PARP15: variants seen among roughly 807,000 people sequenced by gnomAD.
PARP15 encodes the protein poly(ADP-ribose) polymerase family member 15.
A neutral mutation model predicts 62.1 loss-of-function variants in PARP15; 50 were observed. The observed-to-expected ratio is 0.81, with a 90% CI of 0.64 to 1.02. The LOEUF (loss-of-function observed/expected upper bound fraction) is 1.02. Among genes scored for constraint, PARP15 ranks in the 50% least tolerant of loss-of-function variants. The pLI is 0.00. For missense variants in PARP15, 820 were observed against 826.5 expected (o/e 0.99, Z 0.10); for synonymous variants, 309 against 293.1 (o/e 1.05, Z -0.55).
At position 122,636,043 on chromosome 3, in the gene PARP15, T is replaced by G. The variant is rs1257733142; in HGVS notation, c.1980T>G (p.Phe660Leu). The change falls in exon 12 of 12, where the codon TTT (phenylalanine) becomes TTG (leucine). Residue 660 changes from phenylalanine to leucine, a missense_variant. Phe to Leu is a conservative substitution (Grantham distance 22). Coordinates refer to ENST00000464300, the MANE Select transcript of PARP15 (RefSeq NM_001113523.3). ...ACAATACACGATCTCCAAAGCTATTTGTGGTATTCTTTGATAATCAGGCTT... is the reference window on the plus strand; with the variant it reads ...ACAATACACGATCTCCAAAGCTATTGGTGGTATTCTTTGATAATCAGGCTT... ...VTNNTRSPKLFVVFFDNQAYP... is the reference protein window; with the variant it reads ...VTNNTRSPKLLVVFFDNQAYP... 2.5e-6 allele frequency: 4 copies of G among 1,613,984 alleles called. No homozygotes were observed. The African/African-American group carries it at 5.3e-5, about 22-fold the overall frequency.
intron 3 of PARP15, among the ~76,000 whole-genome samples, chr3:122,611,825 C>T (rs907505388): frequency 1.3e-5 from 2 of 152,134 alleles, no homozygotes; most frequent in African/African-American, 4.8e-5. Flanking sequence ...AGCAATTCTC[C>T]TGCCTCAGCC....
chr3:122,597,491 A>G (rs1475934435), intron 1 of PARP15, among the ~76,000 whole-genome samples: 3 of 152,118 alleles, frequency 2.0e-5, no homozygotes, highest in East Asian at 3.8e-4. Flanking sequence ...CGAACTCCCA[A>G]CCGCAGGTGA....
chr3:122,594,397 T>G, intron 1 of PARP15: 18 of 314,508 alleles, frequency 5.7e-5, no homozygotes, highest in South Asian at 2.5e-4. Flanking sequence ...TAAATCAGAT[T>G]GAGAAAACAA....
intron 1 of PARP15, among the ~76,000 whole-genome samples, chr3:122,593,199 C>T (rs368739452): frequency 2.0e-5 from 3 of 151,978 alleles, no homozygotes; most frequent in South Asian, 2.1e-4. Flanking sequence ...AGTGCAGTGG[C>T]GCAATCTCAG....
intron 8 of PARP15, 49 bp from the exon 9 acceptor site, chr3:122,626,778 T>C (rs1936753774): frequency 6.5e-7 from 1 of 1,544,790 alleles, no homozygotes; most frequent in African/African-American, 1.4e-5. Context: ...TATTTCATCA[T>C]ATTAGCAACA....
intron 6 of PARP15, 66 bp from the exon 7 acceptor site, chr3:122,619,715 T>C: frequency 2.2e-6 from 3 of 1,362,268 alleles, no homozygotes; most frequent in East Asian, 4.6e-5. Context: ...AAGTCTAATG[T>C]ACAAAAACTA....
chr3:122,619,346 G>C (rs1190723826), intron 6 of PARP15, among the ~76,000 whole-genome samples: 1 of 152,198 alleles, frequency 6.6e-6, no homozygotes, highest in Non-Finnish European at 1.5e-5. Flanking sequence ...AGATTCACTG[G>C]AGTGAAACCA....
At chr3:122,614,865 CA>C (rs1310369785) in intron 4 of PARP15, among the ~76,000 whole-genome samples, 1 of 151,692 alleles carries the variant, frequency 6.6e-6, no homozygotes, top group Admixed American at 6.6e-5. Context: ...CTCATCTCTA[CA>C]AAAAATACAA....
At chr3:122,630,190 A>C (rs943751522) in intron 9 of PARP15, among the ~76,000 whole-genome samples, 4 of 152,150 alleles carry the variant, frequency 2.6e-5, no homozygotes, top group African/African-American at 9.7e-5. Flanking sequence ...AGTGCTCCTT[A>C]CTTTGATAAT....
intron 1 of PARP15, among the ~76,000 whole-genome samples, chr3:122,584,393 T>C (rs1933234122): frequency 6.6e-6 from 1 of 152,138 alleles, no homozygotes; most frequent in Non-Finnish European, 1.5e-5. Flanking sequence ...TCTTGTTTTT[T>C]GACCAATATA....
chr3:122,606,450 A>C (rs1559953386), intron 2 of PARP15, among the ~76,000 whole-genome samples: 1 of 152,198 alleles, frequency 6.6e-6, no homozygotes, highest in East Asian at 1.9e-4. Context: ...CTGCCTGAGC[A>C]CTTTGCAGAA....
At chr3:122,618,171 T>G (rs1936110935) in intron 6 of PARP15, among the ~76,000 whole-genome samples, 1 of 152,254 alleles carries the variant, frequency 6.6e-6, no homozygotes, top group South Asian at 2.1e-4. Context: ...AGAATATCCA[T>G]TTAATTCATT....
Position 122,637,327 on chromosome 3 carries a change from T to C in PARP15, c.*1227T>C, listed in dbSNP as rs1441203733. 6.6e-6 allele frequency: 1 copy of C among 152,106 alleles called. No individual in the cohort carries two copies. 9.4% of individuals were successfully genotyped at this position (152,106 alleles called of 1,614,324 possible). A position where few individuals can be genotyped will look rare whatever the true frequency, so the allele number is the denominator to read the frequency against. On this transcript the variant is annotated 3_prime_UTR_variant, in exon 12 of 12. Coordinates refer to ENST00000464300, the MANE Select transcript of PARP15 (RefSeq NM_001113523.3). ...CATCTTCAGGGAACCTATTCCGCCG[T>C]GGGACAGTGTTAATTAGTGGAAAAC... is the stretch of plus-strand genomic sequence containing the variant.
At chr3:122,615,585 G>A (rs1269791426) in intron 4 of PARP15, 194 bp from the exon 5 acceptor site, 7 of 1,283,570 alleles carry the variant, frequency 5.5e-6, no homozygotes, top group Non-Finnish European at 7.4e-6. Flanking sequence ...ACAAAGTAAA[G>A]CAAATCAGCA....
At chr3:122,608,351 G>C (rs1032373847) in intron 2 of PARP15, among the ~76,000 whole-genome samples, 1 of 151,510 alleles carries the variant, frequency 6.6e-6, no homozygotes, top group African/African-American at 2.4e-5. Flanking sequence ...AAGTAGCTGG[G>C]ATTATAGGCG....
In PARP15 at chr3:122,598,597, G is replaced by A. The variant is rs148223102; in HGVS notation, c.187-7339G>A. 4.6e-5 allele frequency among the ~76,000 whole-genome samples: 7 copies of A among 152,300 alleles called. No individual in the cohort carries two copies. The East Asian group carries it at 5.8e-4, about 13-fold the overall frequency. On this transcript the variant is annotated intron_variant, in intron 1 of 11. Transcript: ENST00000464300. ...AGAGAGAAAGAGAGGCCATGAGAGC[G>A]CAGAAAGCTGCAGTGCTTTTCATAC...
chr3:122,584,566 T>G, intron 1 of PARP15, among the ~76,000 whole-genome samples: 1 of 131,160 alleles, frequency 7.6e-6, no homozygotes. Context: ...TATTCATCCA[T>G]TTCTTTCCTT....
intron 1 of PARP15, among the ~76,000 whole-genome samples, chr3:122,580,003 A>ATATATATATATATATATATATATG (rs2080768374): frequency 1.1e-5 from 1 of 94,240 alleles, no homozygotes; most frequent in African/African-American, 3.8e-5. Flanking sequence ...CTATATGTAT[A>ATATATATATATATATATATATATG]TATATATATA....
intron 1 of PARP15, among the ~76,000 whole-genome samples, chr3:122,603,092 G>A (rs1394998695): frequency 6.6e-6 from 1 of 151,952 alleles, no homozygotes; most frequent in East Asian, 1.9e-4. Context: ...TTCAATGAAA[G>A]GCCCATTTCT....
Sources: allele counts gnomAD v4.1 joint callset (sites outside exome capture counted in the v4.1 genomes callset), GRCh38; gene constraint gnomAD v4.1.1; transcripts MANE v1.5; gene names NCBI Gene and HGNC (gene_info 2026-07-23, HGNC 2026-07-21).